Variants in NTM observed in about 807,000 individuals in gnomAD.
NTM encodes neurotrimin, also known as IgLON family member 2.
Under a neutral mutation model 42.1 loss-of-function variants are expected in NTM, and 13 were observed. That is an observed-to-expected ratio of 0.31 (90% confidence interval 0.20 to 0.49). NTM has a LOEUF of 0.49. NTM is among the 20% of genes least tolerant of loss of function. The pLI is 0.99. For synonymous variants in NTM, 187 were observed against 179.2 expected (o/e 1.04, Z -0.35); for missense variants, 373 against 452.8 (o/e 0.82, Z 1.60).
At chr11:132,185,100 G>A (rs1024146861) in intron 3 of NTM, among the ~76,000 whole-genome samples, 1 of 152,148 alleles carries the variant, frequency 6.6e-6, no homozygotes, top group Non-Finnish European at 1.5e-5. Flanking sequence ...CAGTGCTATA[G>A]AAATAGAACT....
chr11:131,465,600 C>G (rs547648611), intron 1 of NTM, among the ~76,000 whole-genome samples: 2 of 152,200 alleles, frequency 1.3e-5, no homozygotes, highest in African/African-American at 4.8e-5. Flanking sequence ...GTGTACTCCT[C>G]TGAGGTATCC....
At chr11:131,585,567 C>A (rs892651953) in intron 1 of NTM, among the ~76,000 whole-genome samples, 2 of 152,196 alleles carry the variant, frequency 1.3e-5, no homozygotes, top group African/African-American at 4.8e-5. Flanking sequence ...TGAGTGCAGA[C>A]GGTGGCTACT....
intron 1 of NTM, among the ~76,000 whole-genome samples, chr11:131,721,885 G>A (rs1377253784): frequency 1.1e-4 from 17 of 150,398 alleles, no homozygotes; most frequent in Non-Finnish European, 2.9e-5. Context: ...TGTAATTTCA[G>A]CTACTTGAGA....
intron 1 of NTM, among the ~76,000 whole-genome samples, chr11:131,701,165 T>C (rs1384917230): frequency 6.6e-6 from 1 of 152,204 alleles, no homozygotes; most frequent in African/African-American, 2.4e-5. Context: ...AACAAAACAA[T>C]TGGTGACATA....
intron 2 of NTM, among the ~76,000 whole-genome samples, chr11:132,116,565 T>A (rs867864736): frequency 1.2e-4 from 18 of 152,170 alleles, no homozygotes; most frequent in African/African-American, 4.3e-4. Flanking sequence ...TTAACCACCC[T>A]CATAGTAGTA....
rs373596393 is a variant in NTM, at chr11:131,945,928, C to A, written c.167+34280C>A. Among the ~76,000 whole-genome samples the A allele has an allele frequency of 4.6e-5, 7 of 152,266 alleles. No individual in the cohort carries two copies. In the East Asian group the frequency reaches 7.7e-4, roughly 17 times the overall value. On this transcript the variant is annotated intron_variant, in intron 2 of 8. Coordinates refer to ENST00000683400, the MANE Select transcript of NTM (RefSeq NM_001352005.2). Reference sequence around the variant, plus strand: ...TCTATTAAATGTCTCCCAGTGCAGGCGGATAGTATATTCCATGCCTGGTCC... The same window carrying A: ...TCTATTAAATGTCTCCCAGTGCAGGAGGATAGTATATTCCATGCCTGGTCC...
intron 2 of NTM, among the ~76,000 whole-genome samples, chr11:132,099,677 A>G (rs1295410105): frequency 1.3e-5 from 2 of 152,182 alleles, no homozygotes; most frequent in Non-Finnish European, 2.9e-5. Flanking sequence ...CAGCTCCGAG[A>G]AGAAAAGCAA....
At chr11:132,333,350 C>T (rs994966625) in intron 8 of NTM, among the ~76,000 whole-genome samples, 2 of 152,120 alleles carry the variant, frequency 1.3e-5, no homozygotes, top group African/African-American at 4.8e-5. Flanking sequence ...AACATAGTCT[C>T]TCACCCTTGA....
Position 131,911,769 on chromosome 11 carries a change from G to C in NTM, c.167+121G>C, listed in dbSNP as rs2055084327. ...GGCGGAGAGGTCGCTGGTTCCCTGG[G>C]CTGCACAATTTATGGCTGCGCTGGG... is the stretch of plus-strand genomic sequence containing the variant. On this transcript the variant is annotated intron_variant, in intron 2 of 8. Coordinates refer to ENST00000683400, the MANE Select transcript of NTM (RefSeq NM_001352005.2). The C allele has an allele frequency of 4.0e-6, 5 of 1,263,132 alleles. No individual in the cohort carries two copies. In the Admixed American group the frequency reaches 5.5e-5, roughly 14 times the overall value. The allele number at this position is 1,263,132 out of a possible 1,614,324, so 78.2% of individuals were successfully genotyped here. A position where few individuals can be genotyped will look rare whatever the true frequency, so the allele number is the denominator to read the frequency against.
intron 1 of NTM, among the ~76,000 whole-genome samples, chr11:131,690,989 G>A (rs1288649782): frequency 6.6e-6 from 1 of 152,194 alleles, no homozygotes; most frequent in Non-Finnish European, 1.5e-5. Flanking sequence ...GGAGCGGGTG[G>A]GGAGCAAGGG....
In NTM at chr11:131,705,381, A is replaced by C. The variant is rs149683167; in HGVS notation, c.83-206183A>C. On this transcript the variant is annotated intron_variant, in intron 1 of 8. Coordinates refer to ENST00000683400, the MANE Select transcript of NTM (RefSeq NM_001352005.2). The stretch of plus-strand genomic sequence containing the variant: ...CAAGAATACTTCACTCGGCAAAGCT[A>C]TCCTATACAAATGTAAAAGACTAAA... Among the ~76,000 whole-genome samples, 821 of 152,270 alleles carry C rather than the reference A, an allele frequency of 5.4e-3. 3 individuals are homozygous for C. Among genetic ancestry groups the C allele is most frequent in the Non-Finnish European group, 9.9e-3 (670 of 67,990 alleles).
At chr11:132,316,167 G>T (rs2095424254) in intron 7 of NTM, among the ~76,000 whole-genome samples, 1 of 143,776 alleles carries the variant, frequency 7.0e-6, no homozygotes, top group Non-Finnish European at 1.5e-5. Context: ...TGCATGAAAT[G>T]GTTCAGCCAT....
intron 1 of NTM, among the ~76,000 whole-genome samples, chr11:131,888,861 G>A (rs1228883357): frequency 1.3e-5 from 2 of 151,992 alleles, no homozygotes; most frequent in African/African-American, 2.4e-5. Context: ...TTAAAGAGGA[G>A]CCTGGTCTCG....
chr11:132,224,556 C>T (rs1336214827), intron 4 of NTM, among the ~76,000 whole-genome samples: 4 of 152,178 alleles, frequency 2.6e-5, no homozygotes, highest in Non-Finnish European at 2.9e-5. Context: ...GAAACCTCAC[C>T]TCACAGATTT....
chr11:131,755,174 T>G (rs1429715974), intron 1 of NTM, among the ~76,000 whole-genome samples: 1 of 152,210 alleles, frequency 6.6e-6, no homozygotes, highest in Non-Finnish European at 1.5e-5. Context: ...AATGGATACA[T>G]TTTATTGTAT....
intron 1 of NTM, among the ~76,000 whole-genome samples, chr11:131,576,875 G>C (rs990145636): frequency 2.6e-5 from 4 of 152,166 alleles, no homozygotes; most frequent in African/African-American, 4.8e-5. Flanking sequence ...TCCACAAAAT[G>C]TGGTGCAATA....
chr11:132,167,581 G>C (rs904151147), intron 3 of NTM, among the ~76,000 whole-genome samples: 5 of 152,164 alleles, frequency 3.3e-5, no homozygotes, highest in African/African-American at 1.2e-4. Flanking sequence ...CATGTATCTT[G>C]CCTGAGGCTT....
chr11:132,267,797 G>A (rs527445308), intron 4 of NTM, among the ~76,000 whole-genome samples: 15 of 150,694 alleles, frequency 1.0e-4, no homozygotes, highest in South Asian at 2.1e-4. Context: ...AGCCGAGATC[G>A]CTCCATTGCA....
At chr11:131,707,676 TA>T (rs1226516909) in intron 1 of NTM, among the ~76,000 whole-genome samples, 1 of 152,140 alleles carries the variant, frequency 6.6e-6, no homozygotes, top group African/African-American at 2.4e-5. Context: ...TATTTTTTAA[TA>T]AGTCATTCTA....
Sources: gnomAD v4.1 joint callset for allele counts (sites outside exome capture counted in the v4.1 genomes callset) on GRCh38, gnomAD v4.1.1 for gene constraint, MANE v1.5 for transcripts, NCBI Gene and HGNC (gene_info 2026-07-23, HGNC 2026-07-21) for gene names.